TNFRSF10C: variants seen among roughly 807,000 people sequenced by gnomAD.
TNFRSF10C encodes tumor necrosis factor receptor superfamily member 10C.
In TNFRSF10C, 17 loss-of-function variants were observed where a neutral mutation model predicts 16.7. The ratio of observed to expected loss-of-function variants is 1.02; its 90% confidence interval spans 0.70 to 1.53. The LOEUF is 1.53. Among genes scored for constraint, TNFRSF10C ranks in the 40% most tolerant of loss-of-function variants. The probability of loss-of-function intolerance (pLI) is 0.00; values close to 1 mark genes in which losing one functional copy is unlikely to be tolerated. For missense variants in TNFRSF10C, 237 were observed against 329.7 expected (o/e 0.72, Z 2.18); for synonymous variants, 73 against 119.7 (o/e 0.61, Z 2.55).
At chr8:23,107,898 A>T (rs969457152) in intron 1 of TNFRSF10C, among the ~76,000 whole-genome samples, 7 of 152,176 alleles carry the variant, frequency 4.6e-5, no homozygotes, top group Admixed American at 2.6e-4. Context: ...AAGTAAATAG[A>T]TGGAAAAAGA....
intron 1 of TNFRSF10C, among the ~76,000 whole-genome samples, chr8:23,110,457 C>T (rs1408500439): frequency 6.6e-6 from 1 of 152,188 alleles, no homozygotes; most frequent in Non-Finnish European, 1.5e-5. Flanking sequence ...ACAATAAAAA[C>T]ATTTGAAAAA....
At chr8:23,109,329 A>C (rs1813835106) in intron 1 of TNFRSF10C, among the ~76,000 whole-genome samples, 1 of 152,210 alleles carries the variant, frequency 6.6e-6, no homozygotes, top group South Asian at 2.1e-4. Flanking sequence ...TAAAGCTGTC[A>C]AAAAAAGAAA....
intron 2 of TNFRSF10C, among the ~76,000 whole-genome samples, chr8:23,112,582 G>T (rs1813899094): frequency 6.6e-6 from 1 of 152,126 alleles, no homozygotes. Flanking sequence ...GCCTTTCTGT[G>T]CCTGGCTTAT....
intron 1 of TNFRSF10C, among the ~76,000 whole-genome samples, chr8:23,109,676 G>A (rs1813844774): frequency 6.6e-6 from 1 of 150,486 alleles, no homozygotes; most frequent in African/African-American, 2.4e-5. Flanking sequence ...ATGGCCTGAG[G>A]AGCTACATTA....
intron 2 of TNFRSF10C, among the ~76,000 whole-genome samples, chr8:23,113,054 G>C (rs958527474): frequency 6.6e-6 from 1 of 152,158 alleles, no homozygotes; most frequent in Non-Finnish European, 1.5e-5. Context: ...TAGTGATGCT[G>C]AGCATTTTTT....
chr8:23,104,996 C>G (rs1485722466), intron 1 of TNFRSF10C, among the ~76,000 whole-genome samples: 2 of 152,196 alleles, frequency 1.3e-5, no homozygotes, highest in Non-Finnish European at 2.9e-5. Context: ...GAGCTGAGTT[C>G]AGTTCCTGAC....
chr8:23,116,180 C>T, intron 4 of TNFRSF10C, among the ~76,000 whole-genome samples: 1 of 152,212 alleles, frequency 6.6e-6, no homozygotes, highest in Non-Finnish European at 1.5e-5. Context: ...TGTCTTTTCC[C>T]TATTTGGGCT....
At chr8:23,104,923 A>G (rs1291680841) in intron 1 of TNFRSF10C, among the ~76,000 whole-genome samples, 1 of 152,164 alleles carries the variant, frequency 6.6e-6, no homozygotes, top group Non-Finnish European at 1.5e-5. Flanking sequence ...GCCACCCACC[A>G]TGCCTGTGAA....
At chr8:23,111,920 C>T (rs147844220) in intron 2 of TNFRSF10C, 95 bp downstream of exon 2, 44 of 1,260,324 alleles carry the variant, frequency 3.5e-5, no homozygotes, top group East Asian at 2.6e-4. Flanking sequence ...GAAATATGTA[C>T]GCATTGTGGA....
chr8:23,107,103 C>A (rs1343663842), intron 1 of TNFRSF10C, among the ~76,000 whole-genome samples: 2 of 152,078 alleles, frequency 1.3e-5, no homozygotes, highest in African/African-American at 4.8e-5. Flanking sequence ...CACCTGTAGT[C>A]CTGCCAAGAC....
chr8:23,115,087 C>G (rs1478006892), intron 3 of TNFRSF10C, among the ~76,000 whole-genome samples: 1 of 152,158 alleles, frequency 6.6e-6, no homozygotes, highest in African/African-American at 2.4e-5. Context: ...GCTCTCTCCC[C>G]CAGGCTCTGT....
Position 23,114,618 on chromosome 8 carries a change from T to C in TNFRSF10C, c.167-39T>C. On this transcript the variant is annotated intron_variant, in intron 2 of 4. Transcript: ENST00000356864. Reference sequence around the variant, plus strand: ...CACCACTGTCAGCCTCTGGGAATTCTGTGGTGACTCATTCATTGGCTTTTC... The same window carrying C: ...CACCACTGTCAGCCTCTGGGAATTCCGTGGTGACTCATTCATTGGCTTTTC... 4 of 1,534,206 alleles carry C rather than the reference T, an allele frequency of 2.6e-6. No homozygotes were observed. In the South Asian group the frequency reaches 4.5e-5, roughly 17 times the overall value.
intron 1 of TNFRSF10C, among the ~76,000 whole-genome samples, chr8:23,110,030 C>T (rs567052207): frequency 5.8e-4 from 71 of 121,992 alleles, no homozygotes; most frequent in African/African-American, 1.9e-3. Flanking sequence ...CCACTGCACT[C>T]TGCGCTCCAA....
rs1196954604 is a variant in TNFRSF10C, at chr8:23,116,631, G to A, written c.390-10G>A. The A allele has an allele frequency of 6.2e-7, 1 of 1,611,040 alleles. No individual in the cohort carries two copies. On this transcript the variant is annotated splice_polypyrimidine_tract_variant and intron_variant, in intron 4 of 4. Coordinates refer to ENST00000356864, the MANE Select transcript of TNFRSF10C (RefSeq NM_003841.5). ...CAGGAGTCCTCACCTCCCTCTCTGTGTGTACCCAGGTGCCCTAGTGGGGAA... is the reference window on the plus strand; with the variant it reads ...CAGGAGTCCTCACCTCCCTCTCTGTATGTACCCAGGTGCCCTAGTGGGGAA...
chr8:23,116,528 TC>T, intron 4 of TNFRSF10C, 112 bp from the exon 5 acceptor site: 1 of 1,419,960 alleles, frequency 7.0e-7, no homozygotes. Context: ...CAGGAGCCTG[TC>T]CTTCCCCTGA....
At position 23,115,503 on chromosome 8, in the gene TNFRSF10C, G is replaced by T. The variant is rs1813963085; in HGVS notation, c.281-5G>T. On this transcript the variant is annotated splice_polypyrimidine_tract_variant and splice_region_variant and intron_variant, in intron 3 of 4. Coordinates refer to ENST00000356864, the MANE Select transcript of TNFRSF10C (RefSeq NM_003841.5). Reference sequence around the variant, plus strand: ...CATTCCCAAAACCTTATGCTCTGTTGTCAGATCAAAAACATAAAAGTTCCT... The same window carrying T: ...CATTCCCAAAACCTTATGCTCTGTTTTCAGATCAAAAACATAAAAGTTCCT... 1 of 1,611,322 alleles carries T rather than the reference G, an allele frequency of 6.2e-7. No homozygotes were observed.
At chr8:23,114,400 C>T in intron 2 of TNFRSF10C, 5 of 334,312 alleles carry the variant, frequency 1.5e-5, no homozygotes, top group South Asian at 4.9e-5. Flanking sequence ...TTAATTTGGC[C>T]TCATTCTTTT....
intron 1 of TNFRSF10C, among the ~76,000 whole-genome samples, chr8:23,105,881 C>T (rs557692765): frequency 4.3e-4 from 66 of 152,296 alleles, no homozygotes; most frequent in African/African-American, 1.5e-3. Context: ...GTTGTTTTTC[C>T]TGTTTTACAA....
chr8:23,105,027 A>G lies in TNFRSF10C; in HGVS notation c.60+1846A>G, dbSNP rs574234429. On this transcript the variant is annotated intron_variant, in intron 1 of 4. Coordinates refer to ENST00000356864, the MANE Select transcript of TNFRSF10C (RefSeq NM_003841.5). ...CTGACCCCAGGTCCTGGCTCTGTCA[A>G]TGCTGGGCTGGTCCAATCTGTGCGC... is the stretch of plus-strand genomic sequence containing the variant. Among the ~76,000 whole-genome samples the G allele has an allele frequency of 2.6e-5, 4 of 152,286 alleles. No homozygotes were observed. In the South Asian group the frequency reaches 6.2e-4, roughly 24 times the overall value.
Sources: allele counts gnomAD v4.1 joint callset (sites outside exome capture counted in the v4.1 genomes callset), GRCh38; gene constraint gnomAD v4.1.1; transcripts MANE v1.5; gene names NCBI Gene and HGNC (gene_info 2026-07-23, HGNC 2026-07-21).